Variants in LRRC4C observed in about 807,000 individuals in gnomAD.
LRRC4C encodes the protein leucine rich repeat containing 4C.
A neutral mutation model predicts 33.6 loss-of-function variants in LRRC4C; 5 were observed. The ratio of observed to expected loss-of-function variants is 0.15; its 90% CI spans 0.08 to 0.31. The LOEUF (loss-of-function observed/expected upper bound fraction) is 0.31, where lower values mean the gene tolerates loss of function less well. Among genes scored for constraint, LRRC4C ranks in the 10% least tolerant of loss-of-function variants. The pLI is 1.00. For synonymous variants in LRRC4C, 329 were observed against 302.0 expected, an observed-to-expected ratio of 1.09 and a Z score of -0.93; for missense variants, 560 against 796.7, an observed-to-expected ratio of 0.70 and a Z score of 3.58.
At chr11:40,731,101 C>T (rs980326487) in intron 2 of LRRC4C, among the ~76,000 whole-genome samples, 2 of 152,262 alleles carry the variant, frequency 1.3e-5, no homozygotes, top group South Asian at 4.1e-4. Flanking sequence ...AGGCGGATCA[C>T]GAGGTCAGGA....
chr11:40,153,152 G>A (rs1035851506), intron 5 of LRRC4C, among the ~76,000 whole-genome samples: 5 of 152,148 alleles, frequency 3.3e-5, no homozygotes, highest in African/African-American at 4.8e-5. Flanking sequence ...GCCTGGAGCC[G>A]AGCAGACTTG....
chr11:41,164,987 C>T (rs138199505), intron 1 of LRRC4C, among the ~76,000 whole-genome samples: 149 of 152,256 alleles, frequency 9.8e-4, no homozygotes, highest in Middle Eastern at 3.4e-3. Flanking sequence ...TTAAAAGAAC[C>T]TGCTCTCCAT....
chr11:41,165,466 A>G (rs1944677856), intron 1 of LRRC4C, among the ~76,000 whole-genome samples: 1 of 152,136 alleles, frequency 6.6e-6, no homozygotes, highest in Non-Finnish European at 1.5e-5. Flanking sequence ...CCCTCAGTAT[A>G]TTACACACAC....
chr11:41,081,783 A>G (rs1939589760), intron 1 of LRRC4C, among the ~76,000 whole-genome samples: 1 of 152,188 alleles, frequency 6.6e-6, no homozygotes, highest in Non-Finnish European at 1.5e-5. Context: ...TAATAATTTA[A>G]TATTATTATA....
chr11:40,651,116 A>G (rs1416639868), intron 2 of LRRC4C, among the ~76,000 whole-genome samples: 1 of 152,214 alleles, frequency 6.6e-6, no homozygotes, highest in African/African-American at 2.4e-5. Flanking sequence ...ACACTTTGGA[A>G]ACTTTGCTTA....
chr11:40,805,778 T>C (rs1235427099), intron 2 of LRRC4C, among the ~76,000 whole-genome samples: 1 of 152,162 alleles, frequency 6.6e-6, no homozygotes, highest in Non-Finnish European at 1.5e-5. Context: ...TTAATCACTA[T>C]TGGTAAACAG....
intron 3 of LRRC4C, among the ~76,000 whole-genome samples, chr11:40,632,682 T>C (rs1342580004): frequency 6.6e-6 from 1 of 152,212 alleles, no homozygotes; most frequent in Non-Finnish European, 1.5e-5. Context: ...CATGGAGGGC[T>C]TCCCATTACT....
At chr11:41,451,503 C>T (rs1164768215) in intron 1 of LRRC4C, among the ~76,000 whole-genome samples, 2 of 151,830 alleles carry the variant, frequency 1.3e-5, no homozygotes, top group Non-Finnish European at 1.5e-5. Context: ...TGCAGCAGTG[C>T]TTATAGTGAT....
chr11:41,115,752 G>A (rs750105078), intron 1 of LRRC4C, among the ~76,000 whole-genome samples: 1 of 151,980 alleles, frequency 6.6e-6, no homozygotes, highest in Non-Finnish European at 1.5e-5. Flanking sequence ...GGATCTCCCC[G>A]GATTGTGCAC....
At chr11:41,077,955 C>A (rs996591161) in intron 1 of LRRC4C, among the ~76,000 whole-genome samples, 1 of 152,136 alleles carries the variant, frequency 6.6e-6, no homozygotes, top group South Asian at 2.1e-4. Flanking sequence ...TTTCTTCAAC[C>A]AGGTACCCTA....
chr11:40,910,075 G>A (rs974899214), intron 2 of LRRC4C, among the ~76,000 whole-genome samples: 2 of 151,954 alleles, frequency 1.3e-5, no homozygotes, highest in African/African-American at 4.8e-5. Context: ...AATAAGACCT[G>A]TATTTAAAAC....
intron 3 of LRRC4C, among the ~76,000 whole-genome samples, chr11:40,551,877 TA>T (rs1957139491): frequency 6.6e-6 from 1 of 152,230 alleles, no homozygotes; most frequent in African/African-American, 2.4e-5. Context: ...TACACTGGTC[TA>T]AATGTTGTTG....
intron 3 of LRRC4C, among the ~76,000 whole-genome samples, chr11:40,611,322 G>T (rs1258391408): frequency 3.3e-5 from 5 of 151,770 alleles, no homozygotes; most frequent in Non-Finnish European, 7.4e-5. Context: ...ATCCACAAAA[G>T]AGTGAAAATG....
At chr11:41,430,516 G>A (rs1955195295) in intron 1 of LRRC4C, among the ~76,000 whole-genome samples, 1 of 151,944 alleles carries the variant, frequency 6.6e-6, no homozygotes, top group Non-Finnish European at 1.5e-5. Flanking sequence ...AATTCAAAGG[G>A]GATTGTGGCA....
intron 2 of LRRC4C, among the ~76,000 whole-genome samples, chr11:40,914,609 C>T (rs905661386): frequency 1.3e-5 from 2 of 152,138 alleles, no homozygotes; most frequent in African/African-American, 4.8e-5. Flanking sequence ...TGGGCAAAAA[C>T]TGGAAGCATT....
chr11:40,754,488 A>T (rs1412550763), intron 2 of LRRC4C, among the ~76,000 whole-genome samples: 1 of 151,942 alleles, frequency 6.6e-6, no homozygotes, highest in African/African-American at 2.4e-5. Context: ...GCGTAGAGAG[A>T]GGGTTATGTT....
chr11:40,146,760 T>C (rs1347747244), intron 5 of LRRC4C, among the ~76,000 whole-genome samples: 2 of 152,196 alleles, frequency 1.3e-5, no homozygotes, highest in East Asian at 3.8e-4. Context: ...ACATCCTCAT[T>C]AAGCTTCTTA....
At chr11:41,247,916 G>T (rs563730420) in intron 1 of LRRC4C, among the ~76,000 whole-genome samples, 1 of 152,226 alleles carries the variant, frequency 6.6e-6, no homozygotes, top group East Asian at 1.9e-4. Context: ...ACATTTTTCT[G>T]TTGGCAAAGA....
At chr11:40,964,997 A>G (rs527255192) in intron 1 of LRRC4C, among the ~76,000 whole-genome samples, 1 of 152,152 alleles carries the variant, frequency 6.6e-6, no homozygotes, top group South Asian at 2.1e-4. Context: ...ACAGTGTAAA[A>G]TTGTTCCTAT....
Sources: gnomAD v4.1 joint callset for allele counts (sites outside exome capture counted in the v4.1 genomes callset) on GRCh38, gnomAD v4.1.1 for gene constraint, MANE v1.5 for transcripts, NCBI Gene and HGNC (gene_info 2026-07-23, HGNC 2026-07-21) for gene names.